Variants in IKBKE observed in about 807,000 individuals in gnomAD.
IKBKE encodes the protein inhibitor of nuclear factor kappa B kinase subunit epsilon, also known as inhibitor of nuclear factor kappa-B kinase subunit epsilon.
A neutral mutation model predicts 92.1 loss-of-function variants in IKBKE; 45 were observed. The observed-to-expected ratio is 0.49, with a 90% confidence interval of 0.38 to 0.63. The LOEUF is 0.63. Among genes scored for constraint, IKBKE ranks in the 20% least tolerant of loss-of-function variants. The probability of loss-of-function intolerance (pLI) is 0.00; values close to 1 mark genes in which losing one functional copy is unlikely to be tolerated. For synonymous variants in IKBKE, 374 were observed against 380.3 expected (o/e 0.98, Z 0.19); for missense variants, 700 against 932.8 (o/e 0.75, Z 3.25).
intron 2 of IKBKE, among the ~76,000 whole-genome samples, chr1:206,472,122 C>T (rs782486635): frequency 1.1e-4 from 16 of 152,086 alleles, no homozygotes; most frequent in Non-Finnish European, 1.9e-4. Context: ...TGGTGGTGCA[C>T]ACCTATGGTC....
In IKBKE at chr1:206,490,561, G is replaced by A. The variant is rs567247679; in HGVS notation, c.1694-258G>A. On this transcript the variant is annotated intron_variant, in intron 16 of 21. Transcript: ENST00000581977. The surrounding 1 kb of genome is among the most constrained non-coding windows in gnomAD (Gnocchi z 5.2). ...GAAGCATCCCCCACGTCCCCACCCC[G>A]GCCCTGCACTGCAGGCTGCCTTCCC... Among the ~76,000 whole-genome samples, 2 of 152,110 alleles carry A rather than the reference G, an allele frequency of 1.3e-5. No homozygotes were observed. Among genetic ancestry groups the A allele is most frequent in the East Asian group, 1.9e-4 (1 of 5,182 alleles).
chr1:206,496,150 C>G lies in IKBKE; in HGVS notation c.*5C>G. The G allele has an allele frequency of 6.2e-7, 1 of 1,610,744 alleles. No homozygotes were observed. On this transcript the variant is annotated 3_prime_UTR_variant, in exon 22 of 22. Transcript: ENST00000581977. ...CCAGCACCTCCTGATGTCTGAGCTC[C>G]ATGGGGCACATGAGGCATCCTGAAG... is the stretch of plus-strand genomic sequence containing the variant.
At position 206,471,229 on chromosome 1, in the gene IKBKE, G is replaced by A. The variant is rs2103443018; in HGVS notation, c.-49G>A. The A allele has an allele frequency of 6.6e-6, 1 of 152,404 alleles. No homozygotes were observed. The highest frequency in any genetic ancestry group is 1.9e-4 in the East Asian group (1 of 5,178). The allele number at this position is 152,404 out of a possible 1,614,324, so 9.4% of individuals were successfully genotyped here. ...AGGAAGAGCCTTTGCCTGACTCAGG[G>A]CAGCTCAGAGTGTGGGGTAAGTGCA... On this transcript the variant is annotated 5_prime_UTR_variant, in exon 2 of 22. Transcript: ENST00000581977.
chr1:206,480,026 T>C lies in IKBKE; in HGVS notation c.1253T>C (p.Val418Ala), dbSNP rs782163725. ...LQADYNTAKG[V>A]LGAGYQALRL... ...CTGTGCATCTCTGTGTTTCAGGGCG[T>C]GTTGGGCGCCGGCTACCAGGCCCTG... Residue 418 changes from valine (V) to alanine (A), a missense_variant, in exon 12 of 22, where the codon GTG (valine) becomes GCG (alanine). Physicochemically the swap from Val to Ala is moderately conservative, Grantham distance 64 (BLOSUM62 0). Coordinates refer to ENST00000581977, the MANE Select transcript of IKBKE (RefSeq NM_014002.4). The C allele has an allele frequency of 4.4e-6, 7 of 1,608,876 alleles. No individual in the cohort carries two copies. The highest frequency in any genetic ancestry group is 5.9e-6 in the Non-Finnish European group (7 of 1,178,046).
chr1:206,483,225 C>T (rs887705536), intron 13 of IKBKE, among the ~76,000 whole-genome samples: 12 of 152,362 alleles, frequency 7.9e-5, no homozygotes, highest in Middle Eastern at 3.4e-3. Flanking sequence ...TTTGTCTCCT[C>T]GTTTTATAGG....
intron 5 of IKBKE, among the ~76,000 whole-genome samples, chr1:206,475,353 C>A (rs1553384978): frequency 6.6e-6 from 1 of 152,186 alleles, no homozygotes; most frequent in African/African-American, 2.4e-5. Flanking sequence ...TCCACTCATA[C>A]ATTCATAGAA....
At chr1:206,472,935 G>T (rs1245603312) in intron 2 of IKBKE, 3 of 423,980 alleles carry the variant, frequency 7.1e-6, no homozygotes, top group Non-Finnish European at 1.3e-5. Context: ...GGGAACGTGG[G>T]GAGCCAGGAC....
In IKBKE at chr1:206,490,971, C is replaced by A; in HGVS notation, c.1733+113C>A. On this transcript the variant is annotated intron_variant, in intron 17 of 21. Transcript: ENST00000581977. This position sits in a 1 kb window ranked among gnomAD's most constrained non-coding sequence, Gnocchi z 5.2. ...TGAAGGGCCCTGTCCCGGACTGCAG[C>A]TGAGCAGAGTTGGGGATAACAGGTT... 1.0e-6 allele frequency: 1 copy of A among 1,000,526 alleles called. No individual in the cohort carries two copies. The highest frequency in any genetic ancestry group is 1.3e-5 in the South Asian group (1 of 77,714). The allele number at this position is 1,000,526 out of a possible 1,614,324, so 62.0% of individuals were successfully genotyped here.
chr1:206,490,980 G>A lies in IKBKE; in HGVS notation c.1733+122G>A, dbSNP rs1365410213. On this transcript the variant is annotated intron_variant, in intron 17 of 21. Transcript: ENST00000581977. The surrounding 1 kb of genome is among the most constrained non-coding windows in gnomAD (Gnocchi z 5.2). ...CTGTCCCGGACTGCAGCTGAGCAGAGTTGGGGATAACAGGTTATCTGGGGC... is the reference window on the plus strand; with the variant it reads ...CTGTCCCGGACTGCAGCTGAGCAGAATTGGGGATAACAGGTTATCTGGGGC... The A allele has an allele frequency of 1.1e-6, 1 of 921,174 alleles. No individual in the cohort carries two copies. The highest frequency in any genetic ancestry group is 1.8e-6 in the Non-Finnish European group (1 of 566,542). 57.1% of individuals were successfully genotyped at this position (921,174 alleles called of 1,614,324 possible).
intron 18 of IKBKE, 95 bp from the exon 19 acceptor site, chr1:206,492,928 C>T: frequency 1.8e-6 from 2 of 1,082,140 alleles, no homozygotes; most frequent in Non-Finnish European, 2.8e-6. Flanking sequence ...CCGGGACCCA[C>T]CTGTGTCCAT....
chr1:206,482,136 G>A (rs74145697), intron 13 of IKBKE, among the ~76,000 whole-genome samples: 134 of 152,202 alleles, frequency 8.8e-4, no homozygotes, highest in African/African-American at 3.0e-3. Flanking sequence ...GAAGGTCTGC[G>A]CAGAGACAGA....
At chr1:206,472,497 G>A (rs147006813) in intron 2 of IKBKE, among the ~76,000 whole-genome samples, 260 of 152,090 alleles carry the variant, frequency 1.7e-3, no homozygotes, top group African/African-American at 5.9e-3. Flanking sequence ...ATGGCTGAAT[G>A]ATGAATTTTG....
chr1:206,494,263 A>G (rs1666103794), intron 21 of IKBKE, among the ~76,000 whole-genome samples: 3 of 152,020 alleles, frequency 2.0e-5, no homozygotes, highest in South Asian at 4.1e-4. Flanking sequence ...CCAGCTCTGC[A>G]CTCCATATGT....
In IKBKE at chr1:206,477,366, G is replaced by A. The variant is rs1409961774; in HGVS notation, c.702-383G>A. Among the ~76,000 whole-genome samples, 5 of 152,152 alleles carry A rather than the reference G, an allele frequency of 3.3e-5. 1 individual carries two copies. The highest frequency in any genetic ancestry group is 4.4e-5 in the Non-Finnish European group (3 of 68,020). ...GCTGTGTGGAACCTATATCAGGCCC[G>A]CAAAAGGGGCAGAAGACCAGCATGG... On this transcript the variant is annotated intron_variant, in intron 7 of 21. Coordinates refer to ENST00000581977, the MANE Select transcript of IKBKE (RefSeq NM_014002.4).
Position 206,475,000 on chromosome 1 carries a change from C to A in IKBKE, c.358+6C>A, listed in dbSNP as rs1553384913. On this transcript the variant is annotated splice_donor_region_variant and intron_variant, in intron 5 of 21. Transcript: ENST00000581977. ...GGTGGTGCTGCGCTGTGTGGGTGAG[C>A]CCCTCCCTGTCCCTGCCTCCACCCT... 1.2e-6 allele frequency: 2 copies of A among 1,613,610 alleles called. No individual in the cohort carries two copies. Among genetic ancestry groups the A allele is most frequent in the South Asian group, 1.1e-5 (1 of 91,042 alleles).
intron 2 of IKBKE, among the ~76,000 whole-genome samples, chr1:206,472,260 A>C (rs1200616966): frequency 1.3e-5 from 2 of 152,202 alleles, no homozygotes; most frequent in African/African-American, 2.4e-5. Flanking sequence ...CAAAATAAAA[A>C]AAAGAAAAAG....
rs139869900 is a variant in IKBKE at position 206,476,250 on chromosome 1, G to A, written c.428G>A (p.Arg143His). ...HRDIKPGNIM[R>H]LVGEEGQSIY... is the part of the protein sequence containing the mutation. ...GACATCAAGCCGGGGAACATCATGC[G>A]CCTCGTAGGGGAGGAGGGGCAGAGC... is the stretch of plus-strand genomic sequence containing the variant. The change falls in exon 6 of 22, where the codon CGC (arginine) becomes CAC (histidine). Residue 143 changes from arginine (R) to histidine (H), a missense_variant. Transcript: ENST00000581977. This position sits in a 1 kb window ranked among gnomAD's most constrained non-coding sequence, Gnocchi z 5.1. The A allele has an allele frequency of 2.8e-5, 46 of 1,614,098 alleles. No individual in the cohort carries two copies. Among genetic ancestry groups the A allele is most frequent in the East Asian group, 1.3e-4 (6 of 44,882 alleles).
Position 206,490,844 on chromosome 1 carries a change from T to A in IKBKE, c.1719T>A (p.Ile573=), listed in dbSNP as rs782377022. 1 of 1,614,160 alleles carries A rather than the reference T, an allele frequency of 6.2e-7. No homozygotes were observed. The highest frequency in any genetic ancestry group is 1.7e-5 in the Admixed American group (1 of 60,020). ...GGCTTGGCTACAACGAGGAGCAGAT[T>A]CACAAGCTGGATAAGTGAGTGGCCT... ...RPGLGYNEEQ[I]HKLDKVNFSH... Residue 573 remains isoleucine (I), a synonymous_variant, in exon 17 of 22, where the codon ATT becomes ATA. Coordinates refer to ENST00000581977, the MANE Select transcript of IKBKE (RefSeq NM_014002.4). This position sits in a 1 kb window ranked among gnomAD's most constrained non-coding sequence, Gnocchi z 5.2.
chr1:206,489,597 G>A (rs1172689859), intron 16 of IKBKE, among the ~76,000 whole-genome samples: 1 of 152,020 alleles, frequency 6.6e-6, no homozygotes, highest in Non-Finnish European at 1.5e-5. Context: ...AACTACTTGG[G>A]AGGCTGAGGT....
Sources: allele counts gnomAD v4.1 joint callset (sites outside exome capture counted in the v4.1 genomes callset), GRCh38; gene constraint gnomAD v4.1.1; non-coding constraint Gnocchi (gnomAD v3.1); transcripts MANE v1.5; gene names NCBI Gene and HGNC (gene_info 2026-07-23, HGNC 2026-07-21).